The following ALDH6A1 variants were observed in gnomAD, a reference collection of about 807,000 sequenced individuals.
ALDH6A1 encodes the protein methylmalonate-semialdehyde/malonate-semialdehyde dehydrogenase [acylating], mitochondrial.
In ALDH6A1, 43 loss-of-function variants were observed where a neutral mutation model predicts 62.6. The observed-to-expected ratio is 0.69, with a 90% CI of 0.54 to 0.89. The LOEUF (loss-of-function observed/expected upper bound fraction) is 0.89, where lower values mean the gene tolerates loss of function less well. Among genes scored for constraint, ALDH6A1 ranks in the 40% least tolerant of loss-of-function variants. The pLI is 0.00. For synonymous variants in ALDH6A1, 194 were observed against 234.2 expected (o/e 0.83, Z 1.57); for missense variants, 551 against 661.3 (o/e 0.83, Z 1.83).
Position 74,072,722 on chromosome 14 carries a change from A to T in ALDH6A1, c.112-111T>A, listed in dbSNP as rs926621012. ...CCAAAAGGAAAGAAAACAAGTTGAT[A>T]ACGGAATCTTCTGGTCTTTAGAAAT... On this transcript the variant is annotated intron_variant, in intron 2 of 11. Transcript: ENST00000553458. 15 of 1,219,510 alleles carry T rather than the reference A, an allele frequency of 1.2e-5. No homozygotes were observed. In the Admixed American group the frequency reaches 2.8e-4, roughly 23 times the overall value. 75.5% of individuals were successfully genotyped at this position (1,219,510 alleles called of 1,614,324 possible). A position where few individuals can be genotyped will look rare whatever the true frequency, so the allele number is the denominator to read the frequency against.
At chr14:74,072,807 T>C (rs1415006184) in intron 2 of ALDH6A1, among the ~76,000 whole-genome samples, 196 bp from the exon 3 acceptor site, 1 of 152,144 alleles carries the variant, frequency 6.6e-6, no homozygotes, top group Non-Finnish European at 1.5e-5. Flanking sequence ...TGTGTTTATT[T>C]TTTTTTTGAG....
At chr14:74,081,221 T>C (rs2139820027) in intron 1 of ALDH6A1, 1 of 152,302 alleles carries the variant, frequency 6.6e-6, no homozygotes, top group South Asian at 2.1e-4. Context: ...TTTCTCTCCT[T>C]TGAGGTCACT....
intron 1 of ALDH6A1, among the ~76,000 whole-genome samples, chr14:74,082,560 C>T (rs947159605): frequency 1.1e-4 from 16 of 151,986 alleles, no homozygotes; most frequent in Admixed American, 2.0e-4. Flanking sequence ...CCACCACACC[C>T]GGCTAATTTT....
At chr14:74,069,174 G>A (rs541192355) in intron 6 of ALDH6A1, 193 bp from the exon 7 acceptor site, 13 of 489,094 alleles carry the variant, frequency 2.7e-5, no homozygotes, top group Admixed American at 1.5e-4. Context: ...GCACAATTTC[G>A]GCTCACTGCA....
In ALDH6A1 at chr14:74,067,473, A is replaced by G. The variant is rs2060485392; in HGVS notation, c.949T>C (p.Cys317Arg). The G allele has an allele frequency of 1.9e-6, 3 of 1,614,106 alleles. No individual in the cohort carries two copies. The highest frequency in any genetic ancestry group is 2.5e-6 in the Non-Finnish European group (3 of 1,180,052). The change falls in exon 8 of 12, where the codon TGC (cysteine) becomes CGC (arginine). Residue 317 changes from cysteine to arginine, a missense_variant. By Grantham distance (180) the Cys-to-Arg change is radical. Coordinates refer to ENST00000553458, the MANE Select transcript of ALDH6A1 (RefSeq NM_005589.4). ...AGGACTGCTGTTGAAAGAGCCATGC[A>G]GCGCTGACCAGCAGCTCCAAATGCT... is the stretch of plus-strand genomic sequence containing the variant. ...GAAFGAAGQR[C>R]MALSTAVLVG...
chr14:74,082,670 G>A (rs527673232), intron 1 of ALDH6A1: 1 of 152,252 alleles, frequency 6.6e-6, no homozygotes, highest in East Asian at 1.9e-4. Context: ...AAAGTGCAGG[G>A]ATTACAGGCA....
Position 74,066,733 on chromosome 14 carries a change from A to G in ALDH6A1, c.1196T>C (p.Val399Ala), listed in dbSNP as rs2060472671. The G allele has an allele frequency of 1.9e-6, 3 of 1,614,014 alleles. No homozygotes were observed. The highest frequency in any genetic ancestry group is 2.5e-6 in the Non-Finnish European group (3 of 1,180,038). The change falls in exon 9 of 12, where the codon GTT becomes GCT. Residue 399 changes from valine (V) to alanine (A), a missense_variant. Val to Ala is a moderately conservative substitution (Grantham distance 64). Transcript: ENST00000553458. ...KVKGYENGNFVGPTIISNVKP... is the reference protein window; with the variant it reads ...KVKGYENGNFAGPTIISNVKP... ...GACATTCGAGATGATGGTTGGTCCA[A>G]CAAAGTTGCCATTTTCATAGCCTTT...
intron 4 of ALDH6A1, 108 bp from the exon 5 acceptor site, chr14:74,072,082 A>G: frequency 6.4e-7 from 1 of 1,566,048 alleles, no homozygotes; most frequent in Non-Finnish European, 8.8e-7. Context: ...CAAGGGAGAG[A>G]GTCATGATCA....
intron 1 of ALDH6A1, among the ~76,000 whole-genome samples, chr14:74,081,845 T>A (rs2060670810): frequency 6.6e-6 from 1 of 152,192 alleles, no homozygotes; most frequent in Non-Finnish European, 1.5e-5. Context: ...GTTCTGAATT[T>A]TCAGCCCCAT....
chr14:74,062,471 C>G (rs1221371162), intron 11 of ALDH6A1, among the ~76,000 whole-genome samples: 1 of 151,826 alleles, frequency 6.6e-6, no homozygotes, highest in East Asian at 1.9e-4. Flanking sequence ...TGTGGTGGCA[C>G]GTGCCTGTAA....
At chr14:74,060,906 A>G (rs1475687576) in intron 11 of ALDH6A1, among the ~76,000 whole-genome samples, 160 bp from the exon 12 acceptor site, 1 of 152,068 alleles carries the variant, frequency 6.6e-6, no homozygotes, top group African/African-American at 2.4e-5. Context: ...ATTGATCTAA[A>G]ACATTTAACA....
At chr14:74,068,794 A>G in intron 7 of ALDH6A1, 66 bp downstream of exon 7, 1 of 1,577,188 alleles carries the variant, frequency 6.3e-7, no homozygotes, top group Non-Finnish European at 8.7e-7. Flanking sequence ...TCTCTGCTGA[A>G]GGTCTGTTCC....
intron 2 of ALDH6A1, among the ~76,000 whole-genome samples, chr14:74,074,372 C>T (rs1016961160): frequency 2.0e-5 from 3 of 151,624 alleles, no homozygotes; most frequent in Admixed American, 1.3e-4. Flanking sequence ...CTGCAACCTC[C>T]GCCTCCCGAA....
Position 74,059,996 on chromosome 14 carries a change from G to C in ALDH6A1, c.*646C>G, listed in dbSNP as rs2060304183. On this transcript the variant is annotated 3_prime_UTR_variant, in exon 12 of 12. Coordinates refer to ENST00000553458, the MANE Select transcript of ALDH6A1 (RefSeq NM_005589.4). Reference sequence around the variant, plus strand: ...ATATCTTGTGTATTGTGGGATAAAAGAGGGGCTAAAGAAAACTTTGCAGGA... The same window carrying C: ...ATATCTTGTGTATTGTGGGATAAAACAGGGGCTAAAGAAAACTTTGCAGGA... 1 of 154,530 alleles carries C rather than the reference G, an allele frequency of 6.5e-6. No homozygotes were observed. Among genetic ancestry groups the C allele is most frequent in the African/African-American group, 2.4e-5 (1 of 41,466 alleles). The allele number at this position is 154,530 out of a possible 1,614,324, so 9.6% of individuals were successfully genotyped here.
intron 7 of ALDH6A1, among the ~76,000 whole-genome samples, chr14:74,068,263 C>A (rs2060500116): frequency 6.6e-6 from 1 of 151,828 alleles, no homozygotes; most frequent in Admixed American, 6.6e-5. Context: ...CCTGTAATCC[C>A]AGCTACTCAG....
intron 11 of ALDH6A1, 122 bp downstream of exon 11, chr14:74,064,700 G>A: frequency 8.1e-6 from 13 of 1,614,080 alleles, no homozygotes; most frequent in Non-Finnish European, 1.1e-5. Context: ...AACCTTCTGA[G>A]AAGCACTGAT....
intron 9 of ALDH6A1, chr14:74,066,018 C>G (rs1250682128): frequency 6.5e-6 from 1 of 154,516 alleles, no homozygotes; most frequent in African/African-American, 2.4e-5. Context: ...CAAAAAATGC[C>G]TCATAACCTC....
rs778243683 is a variant in ALDH6A1 at position 74,068,980 on chromosome 14, A to G, written c.732T>C (p.Ala244=). ...CCGGATGATCGCAAATAAAATTTAC[A>G]GCTTTAAGAAGAAAATAAATGATCA... The part of the protein sequence containing the change: ...TLNIIHGQHE[A]VNFICDHPDI... Residue 244 remains alanine (A), a splice_region_variant and synonymous_variant, in exon 7 of 12, where the codon GCT becomes GCC. Transcript: ENST00000553458. 5 of 1,613,792 alleles carry G rather than the reference A, an allele frequency of 3.1e-6. No individual in the cohort carries two copies. The Admixed American group carries it at 8.3e-5, about 27-fold the overall frequency.
intron 4 of ALDH6A1, 95 bp downstream of exon 4, chr14:74,072,108 G>T (rs965401040): frequency 1.5e-5 from 24 of 1,588,122 alleles, no homozygotes; most frequent in Non-Finnish European, 1.9e-5. Flanking sequence ...TCTGCATACT[G>T]CAGAGTAAGG....
Sources: gnomAD v4.1 joint callset for allele counts (sites outside exome capture counted in the v4.1 genomes callset) on GRCh38, gnomAD v4.1.1 for gene constraint, MANE v1.5 for transcripts, NCBI Gene and HGNC (gene_info 2026-07-23, HGNC 2026-07-21) for gene names.